The following CDH19 variants were observed in gnomAD, a reference collection of about 807,000 sequenced individuals.
The protein encoded by CDH19 is cadherin 19.
CDH19 carries 67 observed loss-of-function variants against 64.2 expected under a neutral mutation model. That is an observed-to-expected ratio of 1.04 (90% CI 0.86 to 1.28). The LOEUF (loss-of-function observed/expected upper bound fraction) is 1.28, where lower values mean the gene tolerates loss of function less well. Among genes scored for constraint, CDH19 ranks in the 50% most tolerant of loss-of-function variants. The pLI is 0.00. For synonymous variants in CDH19, 346 were observed against 319.3 expected, an observed-to-expected ratio of 1.08 and a Z score of -0.89; for missense variants, 1,030 against 929.0, an observed-to-expected ratio of 1.11 and a Z score of -1.41.
intron 1 of CDH19, among the ~76,000 whole-genome samples, chr18:66,595,432 GA>G (rs1209997263): frequency 8.2e-6 from 1 of 122,122 alleles, no homozygotes; most frequent in Non-Finnish European, 1.7e-5. Flanking sequence ...TATAGTACTA[GA>G]AGACTAATAA....
rs10516000 is a variant in CDH19 at position 66,571,959 on chromosome 18, T to C, written c.195+51A>G. ...CAAATCTCCAAACTTCTCCAACATA[T>C]TTATTTACATTGTTGTGCTATTTAC... On this transcript the variant is annotated intron_variant, in intron 2 of 11. Transcript: ENST00000262150. The C allele has an allele frequency of 0.14, 187,860 of 1,351,144 alleles. 14,289 individuals carry two copies. The highest frequency in any genetic ancestry group is 0.18 in the Admixed American group (9,161 of 49,748). The allele number at this position is 1,351,144 out of a possible 1,614,324, so 83.7% of individuals were successfully genotyped here.
At chr18:66,597,080 T>A (rs1227110457) in intron 1 of CDH19, among the ~76,000 whole-genome samples, 2 of 13,520 alleles carry the variant, frequency 1.5e-4, no homozygotes, top group South Asian at 2.0e-3. Flanking sequence ...AGACTCCATC[T>A]CAAAAAAAAA....
rs1985015257 is a variant in CDH19, at chr18:66,503,058, G to T, written c.*1754C>A. The T allele has an allele frequency of 6.6e-6, 1 of 151,706 alleles. No homozygotes were observed. The highest frequency in any genetic ancestry group is 2.4e-5 in the African/African-American group (1 of 41,388). 9.4% of individuals were successfully genotyped at this position (151,706 alleles called of 1,614,324 possible). ...TTATTTGATTTAACATATATGGCCA[G>T]TTTGGTTCAGCTTAGTCTCACATGC... On this transcript the variant is annotated 3_prime_UTR_variant, in exon 12 of 12. Coordinates refer to ENST00000262150, the MANE Select transcript of CDH19 (RefSeq NM_021153.4).
intron 5 of CDH19, among the ~76,000 whole-genome samples, chr18:66,545,333 C>T (rs1305386681): frequency 4.0e-5 from 6 of 151,880 alleles, no homozygotes; most frequent in Non-Finnish European, 7.4e-5. Flanking sequence ...CTACCTTTCC[C>T]AGTTACTTGT....
chr18:66,555,552 T>C lies in CDH19; in HGVS notation c.491-1028A>G, dbSNP rs79079065. On this transcript the variant is annotated intron_variant, in intron 3 of 11. Coordinates refer to ENST00000262150, the MANE Select transcript of CDH19 (RefSeq NM_021153.4). ...TGTTTTAATATCATACAGCATATTC[T>C]ATTGAAGTAGAATTTCTTCTTATTC... 1.8e-3 allele frequency among the ~76,000 whole-genome samples: 281 copies of C among 151,948 alleles called. 3 individuals are homozygous for C. The highest frequency in any genetic ancestry group is 6.2e-3 in the African/African-American group (259 of 41,540).
chr18:66,547,268 GAAAAGTAGA>G (rs1245261892), intron 5 of CDH19, among the ~76,000 whole-genome samples: 2 of 152,070 alleles, frequency 1.3e-5, no homozygotes, highest in African/African-American at 4.8e-5. Flanking sequence ...CTGAGAAAAA[GAAAAGTAGA>G]AAAAGTAGCT....
At chr18:66,540,896 G>A (rs1986862296) in intron 7 of CDH19, among the ~76,000 whole-genome samples, 1 of 152,058 alleles carries the variant, frequency 6.6e-6, no homozygotes, top group African/African-American at 2.4e-5. Flanking sequence ...AATTTCTTAT[G>A]AAGTTCTTAA....
At chr18:66,565,508 C>G (rs533816236) in intron 3 of CDH19, among the ~76,000 whole-genome samples, 22 of 151,888 alleles carry the variant, frequency 1.4e-4, no homozygotes, top group Non-Finnish European at 2.5e-4. Flanking sequence ...AATAAAGTAG[C>G]TGGCTAGGAA....
In CDH19 at chr18:66,544,880, CAG is replaced by C; in HGVS notation, c.797_798del (p.Ser266Ter). 1 of 1,609,240 alleles carries C rather than the reference CAG, an allele frequency of 6.2e-7. No individual in the cohort carries two copies. Among genetic ancestry groups the C allele is most frequent in the African/African-American group, 1.3e-5 (1 of 74,848 alleles). On this transcript the variant is annotated frameshift_variant, in exon 6 of 12. Transcript: ENST00000262150. LOFTEE classifies it high-confidence loss of function. ...FKESLYRLTV[S>X]ESAPTGTSIG... is the part of the protein sequence containing the mutation. ...ATAGAAGTCCCAGTGGGTGCAGATT[CAG>C]AGACAGTCAAGCGGTATAAACCTTT...
chr18:66,537,301 T>C (rs568652351), intron 7 of CDH19, among the ~76,000 whole-genome samples: 24 of 152,050 alleles, frequency 1.6e-4, no homozygotes, highest in Admixed American at 1.4e-3. Context: ...TTGAAGAGTA[T>C]TGGTCAATTA....
chr18:66,528,976 T>G (rs1457367108), intron 9 of CDH19, among the ~76,000 whole-genome samples: 1 of 152,008 alleles, frequency 6.6e-6, no homozygotes, highest in Non-Finnish European at 1.5e-5. Context: ...CAGCTTATGG[T>G]ATTTAATAGT....
chr18:66,542,506 A>C (rs1260997059), intron 7 of CDH19, among the ~76,000 whole-genome samples: 2 of 152,216 alleles, frequency 1.3e-5, no homozygotes, highest in African/African-American at 2.4e-5. Context: ...ACAAAATATA[A>C]AACAAAAGCA....
chr18:66,529,995 C>T, intron 8 of CDH19, 29 bp from the exon 9 acceptor site: 3 of 1,170,332 alleles, frequency 2.6e-6, no homozygotes, highest in Non-Finnish European at 3.5e-6. Context: ...TAATAAAAAT[C>T]TAACATATTT....
In CDH19 at chr18:66,530,331, GGATT is replaced by G. The variant is rs1290597917; in HGVS notation, c.1337-369_1337-366del. Among the ~76,000 whole-genome samples the G allele has an allele frequency of 1.3e-4, 19 of 151,740 alleles. 1 individual carries two copies. Among genetic ancestry groups the G allele is most frequent in the Admixed American group, 1.2e-3 (19 of 15,212 alleles). ...ACTCATTTAATTTTGATCAATATATGGATTATTATCCCCCCAATTTTACGGATAA... is the reference window on the plus strand; with the variant it reads ...ACTCATTTAATTTTGATCAATATATGATTATCCCCCCAATTTTACGGATAA... On this transcript the variant is annotated intron_variant, in intron 8 of 11. Transcript: ENST00000262150.
At chr18:66,516,860 G>C (rs1040570994) in intron 9 of CDH19, among the ~76,000 whole-genome samples, 1 of 152,036 alleles carries the variant, frequency 6.6e-6, no homozygotes, top group African/African-American at 2.4e-5. Flanking sequence ...ATGATAGAGA[G>C]AAATTGATAC....
chr18:66,554,288 T>C (rs1221369740), intron 4 of CDH19, 117 bp downstream of exon 4: 9 of 947,676 alleles, frequency 9.5e-6, no homozygotes. Context: ...AATTGCAATC[T>C]TTTTGCTTAT....
intron 1 of CDH19, among the ~76,000 whole-genome samples, chr18:66,591,443 C>T (rs1030355486): frequency 3.3e-5 from 5 of 151,746 alleles, no homozygotes; most frequent in East Asian, 1.9e-4. Flanking sequence ...CGATTGAAAA[C>T]GGGAAATATT....
intron 3 of CDH19, among the ~76,000 whole-genome samples, chr18:66,556,502 T>C (rs1001159996): frequency 2.6e-5 from 4 of 151,838 alleles, no homozygotes; most frequent in Admixed American, 6.6e-5. Flanking sequence ...ATTCCACATA[T>C]AAATAAGATC....
intron 1 of CDH19, among the ~76,000 whole-genome samples, chr18:66,589,661 T>C (rs1343957267): frequency 1.3e-5 from 2 of 150,276 alleles, no homozygotes; most frequent in African/African-American, 4.9e-5. Context: ...GTATAGAAAG[T>C]ACTATTTTGT....
Sources: gnomAD v4.1 joint callset for allele counts (sites outside exome capture counted in the v4.1 genomes callset) on GRCh38, gnomAD v4.1.1 for gene constraint, MANE v1.5 for transcripts, NCBI Gene and HGNC (gene_info 2026-07-23, HGNC 2026-07-21) for gene names.